FLRT2: variants seen among roughly 807,000 people sequenced by gnomAD.
FLRT2 encodes the protein fibronectin leucine rich transmembrane protein 2.
Under a neutral mutation model 40.0 loss-of-function variants are expected in FLRT2, and 15 were observed. The observed-to-expected ratio is 0.38, with a 90% CI of 0.25 to 0.58. FLRT2 has a LOEUF of 0.58. Among genes scored for constraint, FLRT2 ranks in the 20% least tolerant of loss-of-function variants. FLRT2 has a pLI of 0.71. For synonymous variants in FLRT2, 380 were observed against 336.8 expected, an observed-to-expected ratio of 1.13 and a Z score of -1.41; for missense variants, 726 against 840.0, an observed-to-expected ratio of 0.86 and a Z score of 1.68.
In FLRT2 at chr14:85,647,303, G is replaced by T. The variant is rs1053936441; in HGVS notation, c.*23806G>T. Reference sequence around the variant, plus strand: ...GTTTACTAACTTACTTAACAGAGGAGTTTTGTTTTCTTGTTATCTGTAGCA... The same window carrying T: ...GTTTACTAACTTACTTAACAGAGGATTTTTGTTTTCTTGTTATCTGTAGCA... On this transcript the variant is annotated 3_prime_UTR_variant, in exon 2 of 2. Coordinates refer to ENST00000330753, the MANE Select transcript of FLRT2 (RefSeq NM_013231.6). 1 of 152,112 alleles carries T rather than the reference G, an allele frequency of 6.6e-6. No homozygotes were observed. Among genetic ancestry groups the T allele is most frequent in the African/African-American group, 2.4e-5 (1 of 41,420 alleles). The allele number at this position is 152,112 out of a possible 1,614,324, so 9.4% of individuals were successfully genotyped here. A position where few individuals can be genotyped will look rare whatever the true frequency, so the allele number is the denominator to read the frequency against.
In FLRT2 at chr14:85,640,032, T is replaced by G. The variant is rs1302577029; in HGVS notation, c.*16535T>G. 6.6e-6 allele frequency: 1 copy of G among 152,048 alleles called. No homozygotes were observed. Among genetic ancestry groups the G allele is most frequent in the Non-Finnish European group, 1.5e-5 (1 of 68,058 alleles). The allele number at this position is 152,048 out of a possible 1,614,324, so 9.4% of individuals were successfully genotyped here. A position where few individuals can be genotyped will look rare whatever the true frequency, so the allele number is the denominator to read the frequency against. On this transcript the variant is annotated 3_prime_UTR_variant, in exon 2 of 2. Coordinates refer to ENST00000330753, the MANE Select transcript of FLRT2 (RefSeq NM_013231.6). The stretch of plus-strand genomic sequence containing the variant: ...CCTGGCTAATATTTTGTATTTTTAG[T>G]AGAGACGAGGTTTCACCGTGTTAGC...
intron 1 of FLRT2, among the ~76,000 whole-genome samples, chr14:85,583,919 G>C (rs904783017): frequency 6.7e-6 from 1 of 150,090 alleles, no homozygotes; most frequent in East Asian, 2.0e-4. Context: ...GAGCCCAGGA[G>C]TTTGAAGCCA....
At chr14:85,605,357 T>C (rs763618476) in intron 1 of FLRT2, among the ~76,000 whole-genome samples, 3 of 152,236 alleles carry the variant, frequency 2.0e-5, no homozygotes, top group Non-Finnish European at 4.4e-5. Flanking sequence ...ATTTTCCAGA[T>C]TTTAAGGCTG....
intron 1 of FLRT2, among the ~76,000 whole-genome samples, chr14:85,561,902 T>A (rs1443934503): frequency 2.0e-5 from 3 of 152,210 alleles, no homozygotes; most frequent in Non-Finnish European, 4.4e-5. Flanking sequence ...TTGTTGTGGC[T>A]GTTGTTTGGT....
At chr14:85,574,148 T>C (rs746376754) in intron 1 of FLRT2, among the ~76,000 whole-genome samples, 23 of 152,174 alleles carry the variant, frequency 1.5e-4, no homozygotes, top group Non-Finnish European at 3.1e-4. Context: ...TCAAAAATAG[T>C]TCATTCAGAA....
At chr14:85,572,002 A>G (rs1315635189) in intron 1 of FLRT2, among the ~76,000 whole-genome samples, 1 of 152,204 alleles carries the variant, frequency 6.6e-6, no homozygotes, top group East Asian at 1.9e-4. Context: ...ATTATCTGAC[A>G]GCTGCATAGG....
chr14:85,581,169 G>T (rs2139875543), intron 1 of FLRT2, among the ~76,000 whole-genome samples: 1 of 152,286 alleles, frequency 6.6e-6, no homozygotes, highest in South Asian at 2.1e-4. Context: ...CAGTGGGATG[G>T]TATTAAAACA....
chr14:85,632,340 T>C lies in FLRT2; in HGVS notation c.*8843T>C, dbSNP rs960539372. On this transcript the variant is annotated 3_prime_UTR_variant, in exon 2 of 2. Transcript: ENST00000330753. ...CAAAAAATTTAGCCGGGCTTGGTGG[T>C]GCGTGCCTGTAGTCCCAGCTACTCA... The C allele has an allele frequency of 2.6e-5, 4 of 151,468 alleles. No homozygotes were observed. The highest frequency in any genetic ancestry group is 9.7e-5 in the African/African-American group (4 of 41,226). 9.4% of individuals were successfully genotyped at this position (151,468 alleles called of 1,614,324 possible).
chr14:85,585,670 T>A (rs1222466638), intron 1 of FLRT2, among the ~76,000 whole-genome samples: 1 of 152,186 alleles, frequency 6.6e-6, no homozygotes, highest in African/African-American at 2.4e-5. Flanking sequence ...TTGTTGATAC[T>A]GTAAAATAAA....
In FLRT2 at chr14:85,638,865, A is replaced by G. The variant is rs1000221529; in HGVS notation, c.*15368A>G. On this transcript the variant is annotated 3_prime_UTR_variant, in exon 2 of 2. Coordinates refer to ENST00000330753, the MANE Select transcript of FLRT2 (RefSeq NM_013231.6). Reference sequence around the variant, plus strand: ...TTTTCCCCTTCTCTTATGATTGTCAAATAACCTTGTTATATGCTAAAAATA... The same window carrying G: ...TTTTCCCCTTCTCTTATGATTGTCAGATAACCTTGTTATATGCTAAAAATA... The G allele has an allele frequency of 6.6e-6, 1 of 152,228 alleles. No homozygotes were observed. Among genetic ancestry groups the G allele is most frequent in the African/African-American group, 2.4e-5 (1 of 41,466 alleles). 9.4% of individuals were successfully genotyped at this position (152,228 alleles called of 1,614,324 possible).
rs191933019 is a variant in FLRT2 at position 85,626,679 on chromosome 14, C to T, written c.*3182C>T. On this transcript the variant is annotated 3_prime_UTR_variant, in exon 2 of 2. Coordinates refer to ENST00000330753, the MANE Select transcript of FLRT2 (RefSeq NM_013231.6). Reference sequence around the variant, plus strand: ...TGCATGGGACAATCGCAGGCAGATACGAGGAATGTATCCCCTGCCTATTTT... The same window carrying T: ...TGCATGGGACAATCGCAGGCAGATATGAGGAATGTATCCCCTGCCTATTTT... The T allele has an allele frequency of 7.8e-5, 13 of 167,194 alleles. No homozygotes were observed. Among genetic ancestry groups the T allele is most frequent in the Admixed American group, 1.3e-4 (2 of 15,300 alleles). The allele number at this position is 167,194 out of a possible 1,614,324, so 10.4% of individuals were successfully genotyped here.
chr14:85,567,609 G>C lies in FLRT2; in HGVS notation c.-377+37075G>C, dbSNP rs774390148. On this transcript the variant is annotated intron_variant, in intron 1 of 1. Coordinates refer to ENST00000330753, the MANE Select transcript of FLRT2 (RefSeq NM_013231.6). ...TAGTATTGTGAAAGGCTTAGAAGAG[G>C]GCCTAGCACACGGGAAGTGACTTAC... 5.1e-4 allele frequency among the ~76,000 whole-genome samples: 78 copies of C among 151,734 alleles called. 1 individual carries two copies. Among genetic ancestry groups the C allele is most frequent in the Non-Finnish European group, 9.7e-4 (66 of 67,970 alleles).
intron 1 of FLRT2, among the ~76,000 whole-genome samples, chr14:85,573,980 C>T (rs933914081): frequency 2.6e-5 from 4 of 152,186 alleles, no homozygotes; most frequent in Non-Finnish European, 5.9e-5. Context: ...GGCTGTGCAT[C>T]AAGGCTCACC....
At chr14:85,534,111 G>A (rs1175214251) in intron 1 of FLRT2, among the ~76,000 whole-genome samples, 1 of 152,196 alleles carries the variant, frequency 6.6e-6, no homozygotes, top group Non-Finnish European at 1.5e-5. Context: ...CGAAGTTCAA[G>A]ATCCCGGGGA....
At position 85,642,640 on chromosome 14, in the gene FLRT2, C is replaced by G. The variant is rs1193768594; in HGVS notation, c.*19143C>G. On this transcript the variant is annotated 3_prime_UTR_variant, in exon 2 of 2. Transcript: ENST00000330753. ...GGCAACAGACTCAAAGGGAGGTACA[C>G]CAGGTAGGAAAAATCATAACCAGAT... 6.6e-6 allele frequency: 1 copy of G among 152,090 alleles called. No individual in the cohort carries two copies. The highest frequency in any genetic ancestry group is 1.5e-5 in the Non-Finnish European group (1 of 68,004). The allele number at this position is 152,090 out of a possible 1,614,324, so 9.4% of individuals were successfully genotyped here.
intron 1 of FLRT2, among the ~76,000 whole-genome samples, chr14:85,591,747 C>T (rs1891894061): frequency 1.3e-5 from 2 of 152,164 alleles, no homozygotes; most frequent in South Asian, 4.1e-4. Context: ...GAAAATATAA[C>T]AAATCTCCAT....
chr14:85,576,670 T>C (rs1891138997), intron 1 of FLRT2, among the ~76,000 whole-genome samples: 1 of 152,240 alleles, frequency 6.6e-6, no homozygotes, highest in African/African-American at 2.4e-5. Context: ...TAGGGGTAAG[T>C]TAACAAGCTG....
Position 85,633,151 on chromosome 14 carries a change from A to G in FLRT2, c.*9654A>G, listed in dbSNP as rs983368323. The stretch of plus-strand genomic sequence containing the variant: ...GATGATCTATTTAAAGGTAATTAGC[A>G]TTCAAAATTCCTCAAAACACTCAAT... On this transcript the variant is annotated 3_prime_UTR_variant, in exon 2 of 2. Transcript: ENST00000330753. 1 of 152,246 alleles carries G rather than the reference A, an allele frequency of 6.6e-6. No individual in the cohort carries two copies. The highest frequency in any genetic ancestry group is 2.4e-5 in the African/African-American group (1 of 41,466). The allele number at this position is 152,246 out of a possible 1,614,324, so 9.4% of individuals were successfully genotyped here. A position where few individuals can be genotyped will look rare whatever the true frequency, so the allele number is the denominator to read the frequency against.
At chr14:85,556,417 A>G (rs1889967438) in intron 1 of FLRT2, among the ~76,000 whole-genome samples, 1 of 152,210 alleles carries the variant, frequency 6.6e-6, no homozygotes, top group Non-Finnish European at 1.5e-5. Context: ...ACTGTTGCTA[A>G]AAATATTTCA....
Sources: allele counts gnomAD v4.1 joint callset (sites outside exome capture counted in the v4.1 genomes callset), GRCh38; gene constraint gnomAD v4.1.1; transcripts MANE v1.5; gene names NCBI Gene and HGNC (gene_info 2026-07-23, HGNC 2026-07-21).